PRKDC: variants seen among roughly 807,000 people sequenced by gnomAD.
PRKDC encodes the protein DNA-dependent protein kinase catalytic subunit.
Under a neutral mutation model 486.9 loss-of-function variants are expected in PRKDC, and 82 were observed. The observed-to-expected ratio is 0.17, with a 90% CI of 0.14 to 0.20. PRKDC has a LOEUF of 0.20. Ranked by LOEUF, PRKDC falls within the 10% of genes least tolerant of loss-of-function variation. The pLI is 1.00. For synonymous variants in PRKDC, 1,895 were observed against 1,837.0 expected (o/e 1.03, Z -0.81); for missense variants, 4,504 against 5,038.2 (o/e 0.89, Z 3.21).
At chr8:47,839,284 C>A (rs2088092399) in intron 55 of PRKDC, 38 bp from the exon 56 acceptor site, 1 of 1,430,906 alleles carries the variant, frequency 7.0e-7, no homozygotes, top group Non-Finnish European at 9.8e-7. Flanking sequence ...AACATTAATG[C>A]TCTCTTCTGG....
In PRKDC at chr8:47,849,268, A is replaced by C; in HGVS notation, c.7166T>G (p.Phe2389Cys). ...MNAVFFLLPK[F>C]HGVLKTLCLE... The stretch of plus-strand genomic sequence containing the variant: ...ACAGAGTGTTTTCAACACTCCATGA[A>C]ATTTTGGCAGCAGAAAGAACACAGC... Residue 2389 changes from phenylalanine (F) to cysteine (C), a missense_variant, in exon 54 of 86, where the codon TTT (phenylalanine) becomes TGT (cysteine). This residue lies in a region of PRKDC where 1,592 missense variants were observed against 1,724.6 expected (regional missense o/e 0.92). Transcript: ENST00000314191. The C allele has an allele frequency of 6.2e-7, 1 of 1,613,984 alleles. No individual in the cohort carries two copies. Among genetic ancestry groups the C allele is most frequent in the Non-Finnish European group, 8.5e-7 (1 of 1,179,888 alleles).
At chr8:47,877,106 A>C (rs1162802053) in intron 40 of PRKDC, among the ~76,000 whole-genome samples, 1 of 152,278 alleles carries the variant, frequency 6.6e-6, no homozygotes, top group Non-Finnish European at 1.5e-5. Flanking sequence ...CAATGAAAGC[A>C]AAAGAATCAG....
At chr8:47,941,725 A>G (rs2090448210) in intron 10 of PRKDC, among the ~76,000 whole-genome samples, 1 of 152,224 alleles carries the variant, frequency 6.6e-6, no homozygotes, top group Non-Finnish European at 1.5e-5. Flanking sequence ...AAACTCCCAA[A>G]CTTGCAACAG....
At chr8:47,935,270 G>C (rs917777196) in intron 13 of PRKDC, among the ~76,000 whole-genome samples, 1 of 152,168 alleles carries the variant, frequency 6.6e-6, no homozygotes, top group Non-Finnish European at 1.5e-5. Flanking sequence ...GGGAGGCTGA[G>C]GCAGGTGGAT....
rs746211660 is a variant in PRKDC, at chr8:47,955,879, T to G, written c.394A>C (p.Ile132Leu). The G allele has an allele frequency of 5.0e-5, 80 of 1,588,408 alleles. No individual in the cohort carries two copies. Among genetic ancestry groups the G allele is most frequent in the Non-Finnish European group, 6.5e-5 (75 of 1,160,284 alleles). ...KCKIPALDLL[I>L]KLLQTFRSSR... is the part of the protein sequence containing the mutation. ...GTACTTAGAAACATAATTACCTTAA[T>G]AAGAAGGTCCAGGGCTGGAATTTTA... The change falls in exon 4 of 86, where the codon ATT (isoleucine) becomes CTT (leucine). Residue 132 changes from isoleucine to leucine, a missense_variant. Around this residue, in one of 6 missense-constraint regions of PRKDC, gnomAD observed 12 missense variants for 31.1 expected, o/e 0.39. Coordinates refer to ENST00000314191, the MANE Select transcript of PRKDC (RefSeq NM_006904.7).
intron 7 of PRKDC, among the ~76,000 whole-genome samples, chr8:47,945,966 C>T (rs1432396831): frequency 6.6e-6 from 1 of 152,066 alleles, no homozygotes; most frequent in Non-Finnish European, 1.5e-5. Flanking sequence ...TCATGATACA[C>T]CTGCCTCAGC....
At chr8:47,891,282 C>A (rs969496123) in intron 31 of PRKDC, among the ~76,000 whole-genome samples, 1 of 152,160 alleles carries the variant, frequency 6.6e-6, no homozygotes, top group Non-Finnish European at 1.5e-5. Flanking sequence ...AGTAGGAAAG[C>A]CTTTTTGTAA....
chr8:47,865,761 G>A (rs1008634272), intron 40 of PRKDC, among the ~76,000 whole-genome samples: 1 of 152,046 alleles, frequency 6.6e-6, no homozygotes, highest in Non-Finnish European at 1.5e-5. Context: ...ATAATGGACT[G>A]AATGTTTAAG....
intron 54 of PRKDC, among the ~76,000 whole-genome samples, chr8:47,841,311 T>C (rs761428300): frequency 3.3e-5 from 5 of 152,102 alleles, no homozygotes; most frequent in Non-Finnish European, 5.9e-5. Context: ...GTTCTCACCT[T>C]GCTCTGAGTC....
chr8:47,957,145 A>G (rs370199116), intron 3 of PRKDC, 26 bp downstream of exon 3: 5 of 1,428,016 alleles, frequency 3.5e-6, no homozygotes, highest in Admixed American at 1.8e-5. Context: ...TATATAATGT[A>G]ATAAGGTATG....
chr8:47,874,496 G>A (rs1025660961), intron 40 of PRKDC, among the ~76,000 whole-genome samples: 22 of 152,142 alleles, frequency 1.4e-4, no homozygotes, highest in African/African-American at 4.3e-4. Flanking sequence ...TGTGGCTCAC[G>A]CCTGTAATCC....
chr8:47,834,686 C>CTTCTTT lies in PRKDC; in HGVS notation c.7952-291_7952-290insAAAGAA, dbSNP rs1319694640. 2.9e-3 allele frequency among the ~76,000 whole-genome samples: 277 copies of CTTCTTT among 96,730 alleles called. 22 individuals are homozygous for CTTCTTT. The highest frequency in any genetic ancestry group is 0.018 in the African/African-American group (267 of 14,624). The allele number at this position is 96,730 out of a possible 152,430, so 63.5% of individuals were successfully genotyped here. A position where few individuals can be genotyped will look rare whatever the true frequency, so the allele number is the denominator to read the frequency against. On this transcript the variant is annotated intron_variant, in intron 58 of 85. Transcript: ENST00000314191. The stretch of plus-strand genomic sequence containing the variant: ...ACTGAAAGGTGCTAAGAACCCCTGA[C>CTTCTTT]TTTTTTTTTTTTTTTTTTTTTTGAG...
At chr8:47,848,414 T>C (rs1041100994) in intron 54 of PRKDC, among the ~76,000 whole-genome samples, 3 of 152,120 alleles carry the variant, frequency 2.0e-5, no homozygotes, top group African/African-American at 7.2e-5. Context: ...TACTTACTCA[T>C]ATGTGGGAGC....
intron 31 of PRKDC, among the ~76,000 whole-genome samples, chr8:47,892,636 A>T (rs746112951): frequency 7.9e-5 from 12 of 152,248 alleles, no homozygotes; most frequent in South Asian, 2.1e-4. Flanking sequence ...CAGCCAAGGA[A>T]TCTTTAAATA....
chr8:47,822,003 C>T (rs1165300564), intron 64 of PRKDC, among the ~76,000 whole-genome samples: 1 of 152,218 alleles, frequency 6.6e-6, no homozygotes, highest in Admixed American at 6.5e-5. Flanking sequence ...AAAAACCCAG[C>T]TGGGCACGCT....
Position 47,774,000 on chromosome 8 carries a change from C to G in PRKDC, c.*173G>C, listed in dbSNP as rs1051456044. The G allele has an allele frequency of 2.4e-5, 15 of 622,240 alleles. No individual in the cohort carries two copies. In the African/African-American group the frequency reaches 2.8e-4, roughly 11 times the overall value. The allele number at this position is 622,240 out of a possible 1,614,324, so 38.5% of individuals were successfully genotyped here. ...ACTATAACCTTATCTTTGATTTAAC[C>G]CATACACATTTACTCATCATAATCT... On this transcript the variant is annotated 3_prime_UTR_variant, in exon 86 of 86. Transcript: ENST00000314191.
intron 68 of PRKDC, among the ~76,000 whole-genome samples, chr8:47,808,984 ACTG>A (rs1419004088): frequency 6.6e-6 from 1 of 151,882 alleles, no homozygotes; most frequent in Non-Finnish European, 1.5e-5. Context: ...TGACTGCACC[ACTG>A]CACTCCAGCC....
At chr8:47,813,032 G>T (rs1237606973) in intron 68 of PRKDC, among the ~76,000 whole-genome samples, 1 of 151,688 alleles carries the variant, frequency 6.6e-6, no homozygotes, top group African/African-American at 2.4e-5. Context: ...AATTTAAAAA[G>T]AAAATGGACA....
At chr8:47,786,723 C>CTTTTTTTTT (rs5891257) in intron 76 of PRKDC, among the ~76,000 whole-genome samples, 10 of 88,248 alleles carry the variant, frequency 1.1e-4, no homozygotes, top group Admixed American at 1.9e-4. Context: ...ATTATTTAAT[C>CTTTTTTTTT]TTTTTTTTTT....
Sources: allele counts gnomAD v4.1 joint callset (sites outside exome capture counted in the v4.1 genomes callset), GRCh38; gene constraint gnomAD v4.1.1; regional missense constraint gnomAD v4.1.1; transcripts MANE v1.5; gene names NCBI Gene and HGNC (gene_info 2026-07-23, HGNC 2026-07-21).